Variants in MAGI2 observed in about 807,000 individuals in gnomAD.
MAGI2 encodes the protein membrane-associated guanylate kinase, WW and PDZ domain-containing protein 2.
A neutral mutation model predicts 133.3 loss-of-function variants in MAGI2; 35 were observed. The ratio of observed to expected loss-of-function variants is 0.26; its 90% confidence interval spans 0.20 to 0.35. The LOEUF is 0.35. Among genes scored for constraint, MAGI2 ranks in the 10% least tolerant of loss-of-function variants. The probability of loss-of-function intolerance (pLI) is 1.00; values close to 1 mark genes in which losing one functional copy is unlikely to be tolerated. For missense variants in MAGI2, 1,636 were observed against 1,863.4 expected, an observed-to-expected ratio of 0.88 and a Z score of 2.25; for synonymous variants, 729 against 710.6, an observed-to-expected ratio of 1.03 and a Z score of -0.41.
At chr7:79,213,901 T>G (rs1364121977) in intron 1 of MAGI2, among the ~76,000 whole-genome samples, 1 of 152,048 alleles carries the variant, frequency 6.6e-6, no homozygotes, top group Non-Finnish European at 1.5e-5. Flanking sequence ...ATTTAGCTTC[T>G]TCTAGAACAT....
chr7:79,218,963 G>C (rs1203051151), intron 1 of MAGI2, among the ~76,000 whole-genome samples: 2 of 152,036 alleles, frequency 1.3e-5, no homozygotes, highest in Non-Finnish European at 2.9e-5. Flanking sequence ...TGACAAAGAA[G>C]AATGAGGTCT....
At chr7:78,671,088 G>A (rs1005972157) in intron 2 of MAGI2, among the ~76,000 whole-genome samples, 2 of 152,078 alleles carry the variant, frequency 1.3e-5, no homozygotes, top group Non-Finnish European at 2.9e-5. Flanking sequence ...CATTTGTAGA[G>A]TAAGATTATC....
chr7:79,037,761 G>A (rs1215382894), intron 1 of MAGI2, among the ~76,000 whole-genome samples: 1 of 152,166 alleles, frequency 6.6e-6, no homozygotes, highest in Non-Finnish European at 1.5e-5. Context: ...GATATGTCAT[G>A]TAAGGCTACT....
chr7:78,659,424 CAAAAAAAAAAAAAAAAA>C (rs71085553), intron 2 of MAGI2, among the ~76,000 whole-genome samples: 1 of 23,676 alleles, frequency 4.2e-5, no homozygotes, highest in East Asian at 1.5e-3. Context: ...GACTTCATCT[CAAAAAAAAAAAAAAAAA>C]AAAAAAAAAA....
intron 1 of MAGI2, among the ~76,000 whole-genome samples, chr7:79,303,775 A>G (rs1161586528): frequency 6.6e-6 from 1 of 152,168 alleles, no homozygotes. Flanking sequence ...GATAGCCCAG[A>G]GACAAGACCT....
chr7:78,746,853 G>C (rs1822973540), intron 2 of MAGI2, among the ~76,000 whole-genome samples: 1 of 152,098 alleles, frequency 6.6e-6, no homozygotes, highest in African/African-American at 2.4e-5. Flanking sequence ...GGAAAAATAA[G>C]AACACTTAAA....
intron 1 of MAGI2, among the ~76,000 whole-genome samples, chr7:79,060,235 G>C (rs1813598540): frequency 6.6e-6 from 1 of 152,038 alleles, no homozygotes; most frequent in South Asian, 2.1e-4. Flanking sequence ...CATAATTTTA[G>C]TAATATTTAA....
chr7:78,236,328 A>G (rs779613159), intron 10 of MAGI2, among the ~76,000 whole-genome samples: 15 of 152,202 alleles, frequency 9.9e-5, no homozygotes, highest in Non-Finnish European at 1.8e-4. Context: ...GAAGACAGTC[A>G]GTAGAAAAAT....
At chr7:78,332,570 C>T (rs935732115) in intron 9 of MAGI2, among the ~76,000 whole-genome samples, 23 of 151,556 alleles carry the variant, frequency 1.5e-4, no homozygotes, top group South Asian at 2.1e-4. Context: ...TTGTGGCGGG[C>T]GCCTGTAGTC....
chr7:78,365,513 T>G (rs933656262), intron 7 of MAGI2, among the ~76,000 whole-genome samples: 1 of 152,228 alleles, frequency 6.6e-6, no homozygotes, highest in African/African-American at 2.4e-5. Context: ...CTTAACTTCT[T>G]TAGCCAGGGT....
intron 1 of MAGI2, among the ~76,000 whole-genome samples, chr7:79,446,477 T>G (rs2129202980): frequency 6.6e-6 from 1 of 152,306 alleles, no homozygotes; most frequent in Non-Finnish European, 1.5e-5. Flanking sequence ...CAGTGATTTT[T>G]TTTTTAAAGT....
intron 1 of MAGI2, among the ~76,000 whole-genome samples, chr7:79,093,175 T>TAAAAA (rs879816262): frequency 7.0e-6 from 1 of 142,300 alleles, no homozygotes. Flanking sequence ...TCAGCTCTAT[T>TAAAAA]AAAAAAAAAA....
At chr7:78,203,078 T>C (rs1464830889) in intron 10 of MAGI2, among the ~76,000 whole-genome samples, 2 of 152,258 alleles carry the variant, frequency 1.3e-5, no homozygotes, top group South Asian at 2.1e-4. Context: ...AAAATTTATT[T>C]GCTGTTTTAC....
At chr7:78,545,789 T>A (rs1798783182) in intron 3 of MAGI2, among the ~76,000 whole-genome samples, 1 of 152,238 alleles carries the variant, frequency 6.6e-6, no homozygotes, top group Admixed American at 6.5e-5. Context: ...AACATGAGAC[T>A]GATTAACTGG....
intron 2 of MAGI2, among the ~76,000 whole-genome samples, chr7:78,882,079 A>ACAG (rs1795892337): frequency 1.1e-5 from 1 of 90,944 alleles, no homozygotes; most frequent in Non-Finnish European, 2.3e-5. Context: ...AACAACAACA[A>ACAG]CAACAACAAA....
At chr7:78,520,349 T>C (rs1397259037) in intron 4 of MAGI2, among the ~76,000 whole-genome samples, 3 of 152,010 alleles carry the variant, frequency 2.0e-5, no homozygotes, top group Non-Finnish European at 2.9e-5. Context: ...AATAACAGCA[T>C]AAAAATTCCA....
At chr7:78,450,974 G>A (rs1788666366) in intron 6 of MAGI2, among the ~76,000 whole-genome samples, 1 of 152,040 alleles carries the variant, frequency 6.6e-6, no homozygotes, top group African/African-American at 2.4e-5. Context: ...ATAATGATAG[G>A]GCATGACAAG....
chr7:78,078,421 A>C (rs1285824950), intron 21 of MAGI2: 1 of 160,178 alleles, frequency 6.2e-6, no homozygotes, highest in Non-Finnish European at 1.4e-5. Flanking sequence ...ACAGGAGTGA[A>C]TTTTCAGAAT....
intron 1 of MAGI2, among the ~76,000 whole-genome samples, chr7:79,072,235 T>C (rs1815058541): frequency 6.6e-6 from 1 of 152,218 alleles, no homozygotes; most frequent in Non-Finnish European, 1.5e-5. Flanking sequence ...CTGTTCCTAT[T>C]TGGCCATCTT....
Sources: gnomAD v4.1 joint callset for allele counts (sites outside exome capture counted in the v4.1 genomes callset) on GRCh38, gnomAD v4.1.1 for gene constraint, MANE v1.5 for transcripts, NCBI Gene and HGNC (gene_info 2026-07-23, HGNC 2026-07-21) for gene names.